Variants in DOCK3 observed in about 807,000 individuals in gnomAD.
The protein encoded by DOCK3 is dedicator of cytokinesis protein 3.
Under a neutral mutation model 265.6 loss-of-function variants are expected in DOCK3, and 60 were observed. That is an observed-to-expected ratio of 0.23 (90% CI 0.18 to 0.28). DOCK3 has a LOEUF of 0.28. DOCK3 is among the 10% of genes least tolerant of loss of function. The pLI, the probability that DOCK3 is intolerant of heterozygous loss-of-function variation, is 1.00. For synonymous variants in DOCK3, 881 were observed against 938.0 expected (o/e 0.94, Z 1.11); for missense variants, 1,981 against 2,594.3 (o/e 0.76, Z 5.14).
At chr3:50,727,253 TG>T (rs1287347895) in intron 1 of DOCK3, among the ~76,000 whole-genome samples, 26 of 152,198 alleles carry the variant, frequency 1.7e-4, no homozygotes, top group African/African-American at 5.5e-4. Flanking sequence ...ACTTTAAAGA[TG>T]AAGACATAGA....
intron 14 of DOCK3, among the ~76,000 whole-genome samples, chr3:51,215,481 G>GGGCCA (rs899637896): frequency 3.3e-5 from 5 of 152,166 alleles, no homozygotes. Flanking sequence ...TTGTTGTAAA[G>GGGCCA]GGCCAGGCCA....
chr3:50,853,544 A>G (rs912207242), intron 3 of DOCK3, among the ~76,000 whole-genome samples: 2 of 152,054 alleles, frequency 1.3e-5, no homozygotes, highest in African/African-American at 2.4e-5. Context: ...GCTCCTACTT[A>G]TAAGTGAGAA....
rs574699325 is a variant in DOCK3 at position 51,192,073 on chromosome 3, G to C, written c.1038-16701G>C. 2.0e-5 allele frequency among the ~76,000 whole-genome samples: 3 copies of C among 151,116 alleles called. No homozygotes were observed. In the South Asian group the frequency reaches 6.3e-4, roughly 32 times the overall value. ...CTTACACAACATCCCCTTTTGCTGT[G>C]CAGAAGCTTTTTAGTTTAATATACT... On this transcript the variant is annotated intron_variant, in intron 12 of 52. Coordinates refer to ENST00000266037, the MANE Select transcript of DOCK3 (RefSeq NM_004947.5).
intron 5 of DOCK3, among the ~76,000 whole-genome samples, chr3:50,996,683 G>A (rs2078297624): frequency 6.6e-6 from 1 of 151,840 alleles, no homozygotes; most frequent in African/African-American, 2.4e-5. Flanking sequence ...TAGCCTAAAT[G>A]AAAAAAGAGA....
chr3:51,098,547 T>A (rs2082958206), intron 9 of DOCK3, among the ~76,000 whole-genome samples: 1 of 152,252 alleles, frequency 6.6e-6, no homozygotes. Flanking sequence ...AATTTTATTT[T>A]AAAATGATGG....
chr3:51,030,243 A>G (rs1418390149), intron 5 of DOCK3, among the ~76,000 whole-genome samples: 1 of 152,162 alleles, frequency 6.6e-6, no homozygotes, highest in African/African-American at 2.4e-5. Context: ...AGAAGAATTT[A>G]TGCTGTTCCT....
chr3:50,990,162 G>A (rs1426743872), intron 5 of DOCK3, among the ~76,000 whole-genome samples: 3 of 152,092 alleles, frequency 2.0e-5, no homozygotes, highest in East Asian at 1.9e-4. Flanking sequence ...TATGTAAAAA[G>A]GCCAAATCTG....
At chr3:51,285,255 G>C (rs2081344019) in intron 27 of DOCK3, among the ~76,000 whole-genome samples, 1 of 152,056 alleles carries the variant, frequency 6.6e-6, no homozygotes, top group Non-Finnish European at 1.5e-5. Flanking sequence ...ATAATTGTCT[G>C]ATCTCATATG....
At chr3:50,899,641 T>G (rs1050591998) in intron 4 of DOCK3, among the ~76,000 whole-genome samples, 2 of 152,222 alleles carry the variant, frequency 1.3e-5, no homozygotes, top group Non-Finnish European at 2.9e-5. Context: ...TATTTAGTGC[T>G]TCCTTCAGGA....
intron 1 of DOCK3, among the ~76,000 whole-genome samples, chr3:50,696,186 AC>A (rs1463044446): frequency 1.3e-5 from 2 of 152,230 alleles, no homozygotes; most frequent in Non-Finnish European, 2.9e-5. Context: ...GTACATGTTT[AC>A]ACAGCATGAT....
At chr3:51,112,772 C>T (rs2083574701) in intron 9 of DOCK3, among the ~76,000 whole-genome samples, 1 of 152,088 alleles carries the variant, frequency 6.6e-6, no homozygotes, top group Non-Finnish European at 1.5e-5. Context: ...CTTAAATGCA[C>T]ATACAATTAA....
intron 38 of DOCK3, among the ~76,000 whole-genome samples, chr3:51,341,731 A>AATCTGCTGCCATATAAAATATG (rs2085255577): frequency 6.6e-6 from 1 of 152,224 alleles, no homozygotes; most frequent in Non-Finnish European, 1.5e-5. Context: ...ACGGCTTTCT[A>AATCTGCTGCCATATAAAATATG]ATCTGCTGCC....
At chr3:50,812,073 T>A (rs1576510924) in intron 2 of DOCK3, among the ~76,000 whole-genome samples, 1 of 152,178 alleles carries the variant, frequency 6.6e-6, no homozygotes, top group African/African-American at 2.4e-5. Flanking sequence ...CTGGTGGCGG[T>A]GAAACTTGCC....
chr3:51,291,071 C>G (rs2081737184), intron 27 of DOCK3, among the ~76,000 whole-genome samples: 1 of 152,078 alleles, frequency 6.6e-6, no homozygotes, highest in South Asian at 2.1e-4. Flanking sequence ...GAGTGAAACT[C>G]TATCTCAAAA....
chr3:50,781,153 A>T (rs190374744), intron 2 of DOCK3, among the ~76,000 whole-genome samples: 1 of 151,878 alleles, frequency 6.6e-6, no homozygotes, highest in Admixed American at 6.6e-5. Context: ...CTTCTGTTCC[A>T]TTGGATAAAA....
chr3:50,700,402 G>GTACC (rs779647282), intron 1 of DOCK3, among the ~76,000 whole-genome samples: 1 of 152,132 alleles, frequency 6.6e-6, no homozygotes, highest in Non-Finnish European at 1.5e-5. Flanking sequence ...CTATATGTTT[G>GTACC]TACCCATTGA....
intron 5 of DOCK3, among the ~76,000 whole-genome samples, chr3:50,945,392 A>G (rs911303912): frequency 6.6e-6 from 1 of 152,130 alleles, no homozygotes; most frequent in African/African-American, 2.4e-5. Flanking sequence ...TAGTATTTTC[A>G]TTTTATAGGA....
intron 24 of DOCK3, among the ~76,000 whole-genome samples, chr3:51,272,682 C>T (rs1366517762): frequency 6.6e-6 from 1 of 152,030 alleles, no homozygotes; most frequent in Non-Finnish European, 1.5e-5. Context: ...CTTAGCTCTG[C>T]CAGCGTATGA....
At chr3:50,951,503 C>T (rs887588526) in intron 5 of DOCK3, among the ~76,000 whole-genome samples, 2 of 152,040 alleles carry the variant, frequency 1.3e-5, no homozygotes, top group African/African-American at 4.8e-5. Flanking sequence ...GGGGCAATAT[C>T]AATGTAAAAA....
Sources: allele counts gnomAD v4.1 joint callset (sites outside exome capture counted in the v4.1 genomes callset), GRCh38; gene constraint gnomAD v4.1.1; transcripts MANE v1.5; gene names NCBI Gene and HGNC (gene_info 2026-07-23, HGNC 2026-07-21).